The following GUCY1A2 variants were observed in gnomAD, a reference collection of about 807,000 sequenced individuals.
GUCY1A2 encodes guanylate cyclase soluble subunit alpha-2.
A neutral mutation model predicts 63.5 loss-of-function variants in GUCY1A2; 27 were observed. The ratio of observed to expected loss-of-function variants is 0.43; its 90% CI spans 0.31 to 0.59. The LOEUF is 0.59. Ranked by LOEUF, GUCY1A2 falls within the 20% of genes least tolerant of loss-of-function variation. GUCY1A2 has a pLI of 0.11. For synonymous variants in GUCY1A2, 364 were observed against 343.5 expected, an observed-to-expected ratio of 1.06 and a Z score of -0.66; for missense variants, 768 against 913.3, an observed-to-expected ratio of 0.84 and a Z score of 2.05.
intron 4 of GUCY1A2, among the ~76,000 whole-genome samples, chr11:106,912,114 A>C (rs899373996): frequency 1.3e-5 from 2 of 152,018 alleles, no homozygotes; most frequent in Non-Finnish European, 2.9e-5. Context: ...TATATTGAAA[A>C]TCACCTGAAC....
Position 106,685,878 on chromosome 11 carries a change from A to G in GUCY1A2, c.*1671T>C. On this transcript the variant is annotated 3_prime_UTR_variant, in exon 8 of 8. Transcript: ENST00000526355. ...TTATAAAAGGGATCAGGATTATAAC[A>G]AATATTTGCATATCTACAAATGCCT... The G allele has an allele frequency of 4.4e-6, 1 of 226,466 alleles. No individual in the cohort carries two copies. Among genetic ancestry groups the G allele is most frequent in the Non-Finnish European group, 8.8e-6 (1 of 113,792 alleles). The allele number at this position is 226,466 out of a possible 1,614,324, so 14.0% of individuals were successfully genotyped here.
chr11:106,702,880 TTTAATA>T (rs1458191031), intron 7 of GUCY1A2, among the ~76,000 whole-genome samples: 2 of 152,084 alleles, frequency 1.3e-5, no homozygotes, highest in African/African-American at 4.8e-5. Context: ...TGGTATGACG[TTTAATA>T]TTGAGTGTCA....
At chr11:106,758,401 T>C (rs1321295213) in intron 6 of GUCY1A2, among the ~76,000 whole-genome samples, 1 of 152,180 alleles carries the variant, frequency 6.6e-6, no homozygotes, top group Non-Finnish European at 1.5e-5. Context: ...GTATAGACTC[T>C]CATGGCTTCC....
chr11:106,767,069 A>G (rs1036784548), intron 6 of GUCY1A2, among the ~76,000 whole-genome samples: 2 of 152,134 alleles, frequency 1.3e-5, no homozygotes, highest in South Asian at 4.1e-4. Context: ...CTTTGCTAAT[A>G]TAACTTTTAG....
At chr11:106,755,550 T>A (rs1166043656) in intron 6 of GUCY1A2, among the ~76,000 whole-genome samples, 2 of 152,218 alleles carry the variant, frequency 1.3e-5, no homozygotes, top group Non-Finnish European at 2.9e-5. Flanking sequence ...CATTGTGTCT[T>A]TGTCTTCATT....
At chr11:106,857,487 T>G (rs1859453008) in intron 4 of GUCY1A2, among the ~76,000 whole-genome samples, 1 of 152,178 alleles carries the variant, frequency 6.6e-6, no homozygotes, top group African/African-American at 2.4e-5. Context: ...ACACACAGCT[T>G]CATATAAAAC....
At chr11:106,994,598 C>T (rs539770364) in intron 1 of GUCY1A2, among the ~76,000 whole-genome samples, 7 of 152,258 alleles carry the variant, frequency 4.6e-5, no homozygotes, top group South Asian at 2.1e-4. Flanking sequence ...AACAATCTCA[C>T]GAGTCTCAGA....
Position 106,687,256 on chromosome 11 carries a change from A to T in GUCY1A2, c.*293T>A. Reference sequence around the variant, plus strand: ...TGATAAACAAGAAAACATGGAATCTATTTATTGGTTAGTTCTGAAAGGGGA... The same window carrying T: ...TGATAAACAAGAAAACATGGAATCTTTTTATTGGTTAGTTCTGAAAGGGGA... On this transcript the variant is annotated 3_prime_UTR_variant, in exon 8 of 8. Transcript: ENST00000526355. 3.1e-6 allele frequency: 1 copy of T among 319,704 alleles called. No individual in the cohort carries two copies. The highest frequency in any genetic ancestry group is 4.7e-5 in the East Asian group (1 of 21,334). The allele number at this position is 319,704 out of a possible 1,614,324, so 19.8% of individuals were successfully genotyped here.
In GUCY1A2 at chr11:106,982,723, C is replaced by T. The variant is rs74516252; in HGVS notation, c.365+3347G>A. On this transcript the variant is annotated intron_variant, in intron 2 of 7. Coordinates refer to ENST00000526355, the MANE Select transcript of GUCY1A2 (RefSeq NM_000855.3). The stretch of plus-strand genomic sequence containing the variant: ...GAAAGAGCATTGCATAAGAATGAAA[C>T]GATACATACAAAGGCCCTGAAGCTA... 1.9e-3 allele frequency among the ~76,000 whole-genome samples: 287 copies of T among 151,666 alleles called. 1 individual carries two copies. Among genetic ancestry groups the T allele is most frequent in the African/African-American group, 6.7e-3 (276 of 41,358 alleles).
chr11:106,874,582 G>C (rs1859724112), intron 4 of GUCY1A2, among the ~76,000 whole-genome samples: 1 of 151,950 alleles, frequency 6.6e-6, no homozygotes, highest in Admixed American at 6.6e-5. Flanking sequence ...TTTCTATAGT[G>C]CCACTTATAC....
chr11:106,766,554 T>TA (rs1485457975), intron 6 of GUCY1A2, among the ~76,000 whole-genome samples: 1 of 142,558 alleles, frequency 7.0e-6, no homozygotes, highest in African/African-American at 2.5e-5. Context: ...GATCTTTTTT[T>TA]TGTAATTTTA....
chr11:106,956,444 G>A (rs1425255609), intron 3 of GUCY1A2, among the ~76,000 whole-genome samples: 1 of 152,036 alleles, frequency 6.6e-6, no homozygotes, highest in Non-Finnish European at 1.5e-5. Context: ...CTGATCCTTG[G>A]ATAGGGTTTT....
At chr11:106,965,184 C>G (rs1374553504) in intron 3 of GUCY1A2, among the ~76,000 whole-genome samples, 1 of 151,862 alleles carries the variant, frequency 6.6e-6, no homozygotes, top group Non-Finnish European at 1.5e-5. Context: ...AAGAGCGGTA[C>G]TCCTTTCCTG....
intron 4 of GUCY1A2, among the ~76,000 whole-genome samples, chr11:106,822,072 C>T (rs1858910785): frequency 6.6e-6 from 1 of 152,106 alleles, no homozygotes; most frequent in Admixed American, 6.6e-5. Flanking sequence ...TACTGAGAAT[C>T]CTGGCTGTTG....
rs181652231 is a variant in GUCY1A2, at chr11:106,695,348, A to G, written c.1992-7592T>C. On this transcript the variant is annotated intron_variant, in intron 7 of 7. Transcript: ENST00000526355. The stretch of plus-strand genomic sequence containing the variant: ...GGGTAATGATAAACTCAGGGCCTCA[A>G]TTTGCTTAATTAGAAATTTCTGTTG... 3.2e-4 allele frequency among the ~76,000 whole-genome samples: 49 copies of G among 152,276 alleles called. 1 individual carries two copies. Among genetic ancestry groups the G allele is most frequent in the Admixed American group, 2.9e-3 (44 of 15,290 alleles).
chr11:106,761,668 A>G (rs1452561791), intron 6 of GUCY1A2, among the ~76,000 whole-genome samples: 1 of 152,148 alleles, frequency 6.6e-6, no homozygotes, highest in Non-Finnish European at 1.5e-5. Context: ...TTTGGAGCAA[A>G]TTTTTGAAGG....
chr11:106,724,470 T>C (rs1313340805), intron 6 of GUCY1A2, among the ~76,000 whole-genome samples: 1 of 152,172 alleles, frequency 6.6e-6, no homozygotes, highest in Non-Finnish European at 1.5e-5. Context: ...CTCTCTCTGG[T>C]CACCTGCCCT....
At chr11:106,978,548 A>T in intron 3 of GUCY1A2, 71 bp downstream of exon 3, 1 of 1,062,162 alleles carries the variant, frequency 9.4e-7, no homozygotes, top group Non-Finnish European at 1.4e-6. Context: ...GTAGAACATG[A>T]AACACTTCCA....
intron 4 of GUCY1A2, among the ~76,000 whole-genome samples, chr11:106,833,791 C>G (rs1355207061): frequency 1.3e-5 from 2 of 151,916 alleles, no homozygotes; most frequent in Non-Finnish European, 2.9e-5. Context: ...TTTAATGAGT[C>G]AATTCTCTAC....
Sources: allele counts gnomAD v4.1 joint callset (sites outside exome capture counted in the v4.1 genomes callset), GRCh38; gene constraint gnomAD v4.1.1; transcripts MANE v1.5; gene names NCBI Gene and HGNC (gene_info 2026-07-23, HGNC 2026-07-21).